CRACD: variants seen among roughly 807,000 people sequenced by gnomAD.
CRACD encodes capping protein-inhibiting regulator of actin dynamics.
In CRACD, 56 loss-of-function variants were observed where a neutral mutation model predicts 106.8. That is an observed-to-expected ratio of 0.52 (90% CI 0.42 to 0.66). CRACD has a LOEUF of 0.66. Ranked by LOEUF, CRACD falls within the 30% of genes least tolerant of loss-of-function variation. The pLI is 0.00. For synonymous variants in CRACD, 754 were observed against 670.8 expected (o/e 1.12, Z -1.92); for missense variants, 1,730 against 1,623.2 (o/e 1.07, Z -1.13).
chr4:56,109,561 AT>A (rs1734052868), intron 1 of CRACD, among the ~76,000 whole-genome samples: 1 of 152,164 alleles, frequency 6.6e-6, no homozygotes, highest in Non-Finnish European at 1.5e-5. Flanking sequence ...AGTTAATAGT[AT>A]TGTAACAATG....
intron 2 of CRACD, among the ~76,000 whole-genome samples, chr4:56,266,096 G>T (rs1486713779): frequency 6.6e-6 from 1 of 151,358 alleles, no homozygotes; most frequent in Non-Finnish European, 1.5e-5. Flanking sequence ...AGTAATTATT[G>T]GATGATGAAA....
At chr4:56,212,225 T>C (rs1417601674) in intron 2 of CRACD, among the ~76,000 whole-genome samples, 2 of 152,322 alleles carry the variant, frequency 1.3e-5, no homozygotes, top group Non-Finnish European at 2.9e-5. Context: ...ATCAGCACCA[T>C]TATAGTTTAC....
intron 1 of CRACD, among the ~76,000 whole-genome samples, chr4:56,148,411 C>T (rs931123409): frequency 1.3e-4 from 20 of 152,140 alleles, no homozygotes; most frequent in African/African-American, 4.8e-4. Flanking sequence ...CCACCTCAGC[C>T]TCCTGAGGAG....
intron 1 of CRACD, among the ~76,000 whole-genome samples, chr4:56,126,810 T>C (rs1416661375): frequency 2.0e-5 from 3 of 152,200 alleles, no homozygotes; most frequent in Non-Finnish European, 2.9e-5. Context: ...TATTATTTTA[T>C]ATATAAGGAA....
At chr4:56,275,801 G>T (rs1201920058) in intron 3 of CRACD, among the ~76,000 whole-genome samples, 2 of 152,204 alleles carry the variant, frequency 1.3e-5, no homozygotes, top group African/African-American at 2.4e-5. Flanking sequence ...TTGGGTAGAG[G>T]TTACAAGAAG....
chr4:56,325,470 T>G (rs1278242645), intron 10 of CRACD, among the ~76,000 whole-genome samples: 1 of 152,180 alleles, frequency 6.6e-6, no homozygotes, highest in African/African-American at 2.4e-5. Flanking sequence ...AAAAGTGAGA[T>G]GGTCTGTTCT....
intron 2 of CRACD, among the ~76,000 whole-genome samples, chr4:56,224,359 A>C (rs1006511867): frequency 2.6e-5 from 4 of 152,132 alleles, no homozygotes; most frequent in African/African-American, 9.7e-5. Flanking sequence ...GCTATACTTG[A>C]GGTCTTTTCA....
chr4:56,236,632 G>A (rs1310800317), intron 2 of CRACD, among the ~76,000 whole-genome samples: 2 of 151,786 alleles, frequency 1.3e-5, no homozygotes, highest in South Asian at 2.1e-4. Context: ...AATGACATGA[G>A]AAAACAGGGT....
rs1282946408 is a variant in CRACD, at chr4:56,314,702, T to G, written c.1200T>G (p.Asp400Glu). The stretch of plus-strand genomic sequence containing the variant: ...GCCGGCGGGGCGCGGAGGAGGAGGA[T>G]CTGGGGGAAGAGGAGGAGGAGGGCC... ...GEGRRGAEEEDLGEEEEEGQA... is the reference protein window; with the variant it reads ...GEGRRGAEEEELGEEEEEGQA... Residue 400 changes from aspartate (D) to glutamate (E), a missense_variant, in exon 8 of 11, where the codon GAT becomes GAG. Physicochemically the swap from Asp to Glu is conservative, Grantham distance 45. This residue lies in a region of CRACD where 1,620 missense variants were observed against 1,481.6 expected (regional missense o/e 1.09). Transcript: ENST00000682029. The surrounding 1 kb of genome is among the most constrained non-coding windows in gnomAD (Gnocchi z 4.4). 6.4e-7 allele frequency: 1 copy of G among 1,553,984 alleles called. No individual in the cohort carries two copies. Among genetic ancestry groups the G allele is most frequent in the Admixed American group, 2.0e-5 (1 of 50,700 alleles).
intron 3 of CRACD, among the ~76,000 whole-genome samples, chr4:56,295,662 TATATATATATATATATA>T (rs1743971254): frequency 9.4e-3 from 1 of 106 alleles, no homozygotes; most frequent in South Asian, 0.12. Context: ...TTAGTAAACA[TATATATATATATATATA>T]TATATATATA....
rs759353179 is a variant in CRACD at position 56,316,033 on chromosome 4, C to A, written c.2531C>A (p.Pro844Gln). ...VMPGGEEKAS[P>Q]FGIKLRRTNY... ...CCAGGTGGAGAGGAAAAAGCCTCAC[C>A]GTTTGGAATAAAATTGAGAAGGACC... The change falls in exon 8 of 11, where the codon CCG becomes CAG. Residue 844 changes from proline to glutamine, a missense_variant. Pro to Gln is a moderately conservative substitution (Grantham distance 76). Around this residue, in one of 5 missense-constraint regions of CRACD, gnomAD observed 1,620 missense variants for 1,481.6 expected, o/e 1.09. Coordinates refer to ENST00000682029, the MANE Select transcript of CRACD (RefSeq NM_001393381.1). The A allele has an allele frequency of 1.4e-5, 22 of 1,614,094 alleles. No homozygotes were observed. Among genetic ancestry groups the A allele is most frequent in the Non-Finnish European group, 1.9e-5 (22 of 1,180,056 alleles).
At chr4:56,290,343 C>T (rs932922159) in intron 3 of CRACD, among the ~76,000 whole-genome samples, 3 of 152,144 alleles carry the variant, frequency 2.0e-5, no homozygotes, top group South Asian at 2.1e-4. Context: ...GCACAGAGCC[C>T]GGGGGATGAG....
intron 5 of CRACD, among the ~76,000 whole-genome samples, chr4:56,309,672 G>A (rs138364288): frequency 0.034 from 5,133 of 152,114 alleles, 107 homozygotes; most frequent in African/African-American, 0.056. Context: ...TGGCCAATAT[G>A]GTGAAACCCC....
At chr4:56,051,481 A>G (rs140033989) in intron 1 of CRACD, among the ~76,000 whole-genome samples, 1 of 152,170 alleles carries the variant, frequency 6.6e-6, no homozygotes, top group African/African-American at 2.4e-5. Context: ...TTGTATGTGC[A>G]TATAGTTTCT....
At chr4:56,154,292 C>T (rs939473894) in intron 1 of CRACD, among the ~76,000 whole-genome samples, 4 of 51,232 alleles carry the variant, frequency 7.8e-5, no homozygotes, top group Non-Finnish European at 1.7e-4. Context: ...CATGGCGAAA[C>T]CCGTGTCTAC....
intron 1 of CRACD, among the ~76,000 whole-genome samples, chr4:56,107,211 C>A (rs1211890078): frequency 2.0e-5 from 3 of 152,050 alleles, no homozygotes; most frequent in African/African-American, 4.8e-5. Context: ...TAACTCCTAG[C>A]CTCAAATGAT....
intron 4 of CRACD, among the ~76,000 whole-genome samples, chr4:56,306,269 G>C (rs887588619): frequency 6.6e-6 from 1 of 152,106 alleles, no homozygotes; most frequent in African/African-American, 2.4e-5. Flanking sequence ...CGAGGTGGGC[G>C]GATTGCTTGA....
intron 1 of CRACD, among the ~76,000 whole-genome samples, chr4:56,146,995 G>T (rs1248438066): frequency 6.6e-6 from 1 of 152,164 alleles, no homozygotes; most frequent in African/African-American, 2.4e-5. Flanking sequence ...GAAATATGCG[G>T]GAGTGGTGGC....
chr4:56,127,073 A>T (rs1001048023), intron 1 of CRACD, among the ~76,000 whole-genome samples: 6 of 152,152 alleles, frequency 3.9e-5, no homozygotes, highest in African/African-American at 1.4e-4. Flanking sequence ...CGGAGCCCTC[A>T]TGAGTAGGTT....
Sources: gnomAD v4.1 joint callset for allele counts (sites outside exome capture counted in the v4.1 genomes callset) on GRCh38, gnomAD v4.1.1 for gene constraint, gnomAD v4.1.1 regional missense constraint, Gnocchi (gnomAD v3.1) non-coding constraint, MANE v1.5 for transcripts, NCBI Gene and HGNC (gene_info 2026-07-23, HGNC 2026-07-21) for gene names.